The following ZNF654 variants were observed in gnomAD, a reference collection of about 807,000 sequenced individuals.
ZNF654 encodes the protein zinc finger protein 654, also known as melanoma-associated antigen.
Under a neutral mutation model 95.3 loss-of-function variants are expected in ZNF654, and 19 were observed. The ratio of observed to expected loss-of-function variants is 0.20; its 90% CI spans 0.14 to 0.29. The LOEUF (loss-of-function observed/expected upper bound fraction) is 0.29. ZNF654 is among the 10% of genes least tolerant of loss of function. The pLI is 1.00. For synonymous variants in ZNF654, 413 were observed against 457.9 expected (o/e 0.90, Z 1.25); for missense variants, 1,046 against 1,341.0 (o/e 0.78, Z 3.44).
chr3:88,115,668 T>C (rs1262224293), intron 3 of ZNF654, among the ~76,000 whole-genome samples: 1 of 152,208 alleles, frequency 6.6e-6, no homozygotes, highest in African/African-American at 2.4e-5. Context: ...CTATAATTTT[T>C]CCTCTCCGTT....
At chr3:88,077,535 C>G (rs999164422) in intron 1 of ZNF654, among the ~76,000 whole-genome samples, 15 of 151,970 alleles carry the variant, frequency 9.9e-5, no homozygotes, top group African/African-American at 3.6e-4. Context: ...CGGGGTTTCC[C>G]TGTGTATGGG....
At chr3:88,131,694 T>TA (rs1349780310) in intron 6 of ZNF654, among the ~76,000 whole-genome samples, 4 of 152,176 alleles carry the variant, frequency 2.6e-5, no homozygotes, top group Admixed American at 2.6e-4. Flanking sequence ...AAGGAGTCTT[T>TA]AGCCTTCTTT....
At chr3:88,062,372 T>C (rs1437045587) in intron 1 of ZNF654, among the ~76,000 whole-genome samples, 2 of 152,132 alleles carry the variant, frequency 1.3e-5, no homozygotes, top group East Asian at 1.9e-4. Context: ...TCCTCAATTA[T>C]AGAGGGGAGT....
intron 7 of ZNF654, 131 bp from the exon 8 acceptor site, chr3:88,138,574 A>T (rs1706942696): frequency 2.1e-6 from 1 of 479,348 alleles, no homozygotes; most frequent in Admixed American, 4.4e-5. Context: ...GCTACTAAAT[A>T]TGGAAAATTG....
intron 3 of ZNF654, among the ~76,000 whole-genome samples, chr3:88,115,792 C>G (rs935313984): frequency 1.3e-5 from 2 of 152,154 alleles, no homozygotes; most frequent in Middle Eastern, 3.2e-3. Flanking sequence ...TCATATGATG[C>G]ATCTGCCTCA....
intron 2 of ZNF654, among the ~76,000 whole-genome samples, chr3:88,091,174 C>G (rs954243565): frequency 3.3e-5 from 5 of 152,166 alleles, no homozygotes; most frequent in African/African-American, 1.2e-4. Context: ...ATGCATTTCT[C>G]AGAACATATC....
chr3:88,100,960 A>G (rs1704386558), intron 2 of ZNF654, among the ~76,000 whole-genome samples: 1 of 152,204 alleles, frequency 6.6e-6, no homozygotes, highest in Non-Finnish European at 1.5e-5. Context: ...AAAGTATAAT[A>G]AAAGAAAACT....
intron 3 of ZNF654, among the ~76,000 whole-genome samples, chr3:88,124,615 C>G (rs770317231): frequency 2.0e-5 from 3 of 152,108 alleles, no homozygotes; most frequent in Non-Finnish European, 4.4e-5. Context: ...AATATGTAGC[C>G]TTGATTCATC....
chr3:88,126,058 T>C, intron 3 of ZNF654, 76 bp from the exon 4 acceptor site: 1 of 1,336,492 alleles, frequency 7.5e-7, no homozygotes, highest in Non-Finnish European at 9.8e-7. Context: ...CATCAGTCAT[T>C]TTATTGACAA....
At chr3:88,130,008 C>T (rs112160467) in intron 6 of ZNF654, among the ~76,000 whole-genome samples, 182 bp downstream of exon 6, 7 of 152,154 alleles carry the variant, frequency 4.6e-5, no homozygotes, top group African/African-American at 1.7e-4. Flanking sequence ...TGATAATGTG[C>T]CACTAAACTG....
Position 88,113,199 on chromosome 3 carries a change from A to G in ZNF654, c.414+3A>G. On this transcript the variant is annotated splice_donor_region_variant and intron_variant, in intron 3 of 8. Coordinates refer to ENST00000636215, the MANE Select transcript of ZNF654 (RefSeq NM_001350134.2). ...AGGATATTCTTGGATCATTCCAGGT[A>G]AAAAACAGTTTACTACTTCACACTT... 1.3e-6 allele frequency: 2 copies of G among 1,526,110 alleles called. No individual in the cohort carries two copies. The highest frequency in any genetic ancestry group is 1.8e-6 in the Non-Finnish European group (2 of 1,139,436). 94.5% of individuals were successfully genotyped at this position (1,526,110 alleles called of 1,614,324 possible).
At chr3:88,064,707 T>G (rs1301729034) in intron 1 of ZNF654, among the ~76,000 whole-genome samples, 1 of 152,214 alleles carries the variant, frequency 6.6e-6, no homozygotes, top group East Asian at 1.9e-4. Context: ...TCTGTAGATA[T>G]CTCTCCTTTT....
chr3:88,091,151 A>G (rs746580095), intron 2 of ZNF654, among the ~76,000 whole-genome samples: 1 of 152,208 alleles, frequency 6.6e-6, no homozygotes, highest in East Asian at 1.9e-4. Context: ...CACAAGGACA[A>G]AATCACCTAA....
chr3:88,081,028 A>G (rs1020033641), intron 1 of ZNF654, among the ~76,000 whole-genome samples: 19 of 152,156 alleles, frequency 1.2e-4, no homozygotes, highest in Admixed American at 9.2e-4. Flanking sequence ...CCAGCCTGTA[A>G]CAGTTCCTCA....
intron 4 of ZNF654, among the ~76,000 whole-genome samples, chr3:88,127,225 A>G (rs1706162776): frequency 6.6e-6 from 1 of 152,180 alleles, no homozygotes; most frequent in Non-Finnish European, 1.5e-5. Context: ...TGAAAAAGAC[A>G]TTTCATACCA....
intron 1 of ZNF654, among the ~76,000 whole-genome samples, chr3:88,069,399 G>A (rs1240863029): frequency 1.3e-5 from 2 of 152,120 alleles, no homozygotes; most frequent in East Asian, 3.9e-4. Flanking sequence ...TTCAGCCTGG[G>A]TGACAAAGTG....
chr3:88,087,898 T>C (rs891078750), intron 2 of ZNF654, among the ~76,000 whole-genome samples: 4 of 152,158 alleles, frequency 2.6e-5, no homozygotes, highest in African/African-American at 9.7e-5. Context: ...TCTGAAATGC[T>C]CCAAAATTCG....
At chr3:88,130,724 C>T (rs1706408392) in intron 6 of ZNF654, among the ~76,000 whole-genome samples, 1 of 150,254 alleles carries the variant, frequency 6.7e-6, no homozygotes, top group Non-Finnish European at 1.5e-5. Context: ...TCCCAAAGTG[C>T]TGGGATTATA....
intron 7 of ZNF654, among the ~76,000 whole-genome samples, chr3:88,137,054 G>A (rs138689453): frequency 0.067 from 10,238 of 152,058 alleles, 477 homozygotes; most frequent in Non-Finnish European, 0.1. Flanking sequence ...AATTAGCCAA[G>A]TGTGGTGGCT....
Sources: gnomAD v4.1 joint callset for allele counts (sites outside exome capture counted in the v4.1 genomes callset) on GRCh38, gnomAD v4.1.1 for gene constraint, MANE v1.5 for transcripts, NCBI Gene and HGNC (gene_info 2026-07-23, HGNC 2026-07-21) for gene names.